HS6ST3: variants seen among roughly 807,000 people sequenced by gnomAD.
The protein encoded by HS6ST3 is heparan sulfate 6-O-sulfotransferase 3, also known as heparan-sulfate 6-O-sulfotransferase 3.
In HS6ST3, 12 loss-of-function variants were observed where a neutral mutation model predicts 36.7. The ratio of observed to expected loss-of-function variants is 0.33; its 90% confidence interval spans 0.21 to 0.53. The LOEUF is 0.53. Among genes scored for constraint, HS6ST3 ranks in the 20% least tolerant of loss-of-function variants. HS6ST3 has a pLI of 0.95. For synonymous variants in HS6ST3, 240 were observed against 257.5 expected (o/e 0.93, Z 0.65); for missense variants, 584 against 640.9 (o/e 0.91, Z 0.96).
chr13:96,390,746 A>G (rs2055391301), intron 1 of HS6ST3, among the ~76,000 whole-genome samples: 1 of 151,666 alleles, frequency 6.6e-6, no homozygotes, highest in Non-Finnish European at 1.5e-5. Flanking sequence ...CCCCTTCCTT[A>G]CTCTTTCTGG....
At chr13:96,562,377 G>A (rs544552536) in intron 1 of HS6ST3, among the ~76,000 whole-genome samples, 1 of 152,242 alleles carries the variant, frequency 6.6e-6, no homozygotes, top group East Asian at 1.9e-4. Context: ...CTGCTTGAGG[G>A]AGAAGGGGGA....
chr13:96,729,921 C>G (rs1160486472), intron 1 of HS6ST3, among the ~76,000 whole-genome samples: 2 of 152,210 alleles, frequency 1.3e-5, no homozygotes, highest in Non-Finnish European at 2.9e-5. Context: ...ACTTTGCTCT[C>G]TTTGGATTTT....
At chr13:96,218,783 G>A (rs963833923) in intron 1 of HS6ST3, among the ~76,000 whole-genome samples, 2 of 152,106 alleles carry the variant, frequency 1.3e-5, no homozygotes, top group African/African-American at 4.8e-5. Flanking sequence ...GCTGGACTGA[G>A]TCTCTGTGTG....
chr13:96,250,126 T>A (rs573456316), intron 1 of HS6ST3, among the ~76,000 whole-genome samples: 1 of 152,304 alleles, frequency 6.6e-6, no homozygotes, highest in African/African-American at 2.4e-5. Flanking sequence ...ATAAATGATT[T>A]AAAAATTCTA....
At chr13:96,656,664 C>G (rs913706457) in intron 1 of HS6ST3, among the ~76,000 whole-genome samples, 2 of 152,070 alleles carry the variant, frequency 1.3e-5, no homozygotes, top group African/African-American at 4.8e-5. Flanking sequence ...CGGCTCTGAG[C>G]TCTTCTGTAG....
At chr13:96,700,569 T>G (rs1233056681) in intron 1 of HS6ST3, among the ~76,000 whole-genome samples, 1 of 152,198 alleles carries the variant, frequency 6.6e-6, no homozygotes, top group Non-Finnish European at 1.5e-5. Flanking sequence ...ACAACCATCA[T>G]GTATGTTGTT....
At chr13:96,138,895 A>C (rs1431077368) in intron 1 of HS6ST3, among the ~76,000 whole-genome samples, 1 of 152,136 alleles carries the variant, frequency 6.6e-6, no homozygotes, top group Non-Finnish European at 1.5e-5. Context: ...AAAATGAAGG[A>C]AACATCTTAA....
intron 1 of HS6ST3, among the ~76,000 whole-genome samples, chr13:96,508,756 T>C (rs780192490): frequency 6.6e-5 from 10 of 152,174 alleles, no homozygotes; most frequent in Admixed American, 2.6e-4. Context: ...ATATACCACA[T>C]TTTCTTTATC....
chr13:96,341,994 C>G (rs1178816914), intron 1 of HS6ST3, among the ~76,000 whole-genome samples: 1 of 151,934 alleles, frequency 6.6e-6, no homozygotes, highest in Non-Finnish European at 1.5e-5. Context: ...AGTGAGGTCC[C>G]AGATGAATGT....
chr13:96,668,726 T>G (rs1326522759), intron 1 of HS6ST3, among the ~76,000 whole-genome samples: 1 of 123,390 alleles, frequency 8.1e-6, no homozygotes, highest in Non-Finnish European at 1.7e-5. Context: ...TTTTTTTTTT[T>G]GTATCAGGTA....
chr13:96,105,496 CA>C (rs1298657352), intron 1 of HS6ST3, among the ~76,000 whole-genome samples: 2 of 151,932 alleles, frequency 1.3e-5, no homozygotes, highest in Non-Finnish European at 2.9e-5. Flanking sequence ...ACTAAAAATA[CA>C]AAAATTATCC....
At chr13:96,325,757 T>G (rs772239012) in intron 1 of HS6ST3, among the ~76,000 whole-genome samples, 5 of 152,164 alleles carry the variant, frequency 3.3e-5, no homozygotes, top group Non-Finnish European at 7.3e-5. Flanking sequence ...AGGAGTTTAT[T>G]CTTTGAGGGG....
At chr13:96,762,521 G>C (rs552110547) in intron 1 of HS6ST3, among the ~76,000 whole-genome samples, 1 of 152,168 alleles carries the variant, frequency 6.6e-6, no homozygotes, top group East Asian at 1.9e-4. Flanking sequence ...GAGTGTGTTG[G>C]GACACAAACT....
intron 1 of HS6ST3, among the ~76,000 whole-genome samples, chr13:96,306,587 G>A (rs1047191915): frequency 1.3e-5 from 2 of 152,116 alleles, no homozygotes; most frequent in African/African-American, 4.8e-5. Context: ...CTTTTAGAGT[G>A]ACAGTGCTCA....
intron 1 of HS6ST3, among the ~76,000 whole-genome samples, chr13:96,740,230 T>C (rs1455439482): frequency 6.6e-6 from 1 of 152,182 alleles, no homozygotes; most frequent in Non-Finnish European, 1.5e-5. Flanking sequence ...ATGCCCCGAA[T>C]TCAATGCCTG....
chr13:96,437,699 A>G (rs1215178208), intron 1 of HS6ST3, among the ~76,000 whole-genome samples: 1 of 152,214 alleles, frequency 6.6e-6, no homozygotes, highest in Non-Finnish European at 1.5e-5. Flanking sequence ...ATTATTTCAG[A>G]TTGAGGCATT....
chr13:96,673,060 C>A (rs566217332), intron 1 of HS6ST3, among the ~76,000 whole-genome samples: 1 of 152,078 alleles, frequency 6.6e-6, no homozygotes, highest in Admixed American at 6.6e-5. Context: ...AGAGGAGAAC[C>A]CTCTCCTTTC....
chr13:96,657,873 C>A (rs1403904183), intron 1 of HS6ST3, among the ~76,000 whole-genome samples: 1 of 152,142 alleles, frequency 6.6e-6, no homozygotes, highest in Non-Finnish European at 1.5e-5. Flanking sequence ...TAGCTAGTAG[C>A]TGAAGTCAGG....
intron 1 of HS6ST3, among the ~76,000 whole-genome samples, chr13:96,576,902 C>A (rs1409630021): frequency 1.4e-5 from 2 of 141,064 alleles, no homozygotes; most frequent in South Asian, 2.2e-4. Flanking sequence ...TGAGATCGCG[C>A]CACTGCACTC....
Sources: allele counts gnomAD v4.1 joint callset (sites outside exome capture counted in the v4.1 genomes callset), GRCh38; gene constraint gnomAD v4.1.1; transcripts MANE v1.5; gene names NCBI Gene and HGNC (gene_info 2026-07-23, HGNC 2026-07-21).